Variants in TRIO observed in about 807,000 individuals in gnomAD.
TRIO encodes trio Rho guanine nucleotide exchange factor.
TRIO carries 58 observed loss-of-function variants against 351.9 expected under a neutral mutation model. The ratio of observed to expected loss-of-function variants is 0.16; its 90% confidence interval spans 0.13 to 0.21. The LOEUF (loss-of-function observed/expected upper bound fraction) is 0.21. Among genes scored for constraint, TRIO ranks in the 10% least tolerant of loss-of-function variants. The pLI is 1.00. For missense variants in TRIO, 3,201 were observed against 4,027.8 expected (o/e 0.79, Z 5.56); for synonymous variants, 1,758 against 1,595.7 (o/e 1.10, Z -2.42).
intron 44 of TRIO, 84 bp from the exon 45 acceptor site, chr5:14,481,457 G>A: frequency 6.5e-7 from 1 of 1,542,184 alleles, no homozygotes; most frequent in East Asian, 2.3e-5. Flanking sequence ...AGGAAGAACA[G>A]AACTTCATCA....
chr5:14,231,913 C>CT (rs1793459360), intron 1 of TRIO, among the ~76,000 whole-genome samples: 1 of 150,622 alleles, frequency 6.6e-6, no homozygotes, highest in Non-Finnish European at 1.5e-5. Context: ...AACAAATACT[C>CT]GTTGGGAATC....
chr5:14,245,913 G>T (rs1156900222), intron 1 of TRIO, among the ~76,000 whole-genome samples: 1 of 152,218 alleles, frequency 6.6e-6, no homozygotes, highest in Non-Finnish European at 1.5e-5. Context: ...GCCTATTAGG[G>T]TGTTGAATAT....
intron 1 of TRIO, among the ~76,000 whole-genome samples, chr5:14,266,484 T>G (rs781031024): frequency 3.9e-5 from 6 of 152,232 alleles, no homozygotes; most frequent in Non-Finnish European, 7.3e-5. Context: ...ATGAACAGTA[T>G]AATGTTTATT....
intron 1 of TRIO, among the ~76,000 whole-genome samples, chr5:14,225,203 G>T (rs906334557): frequency 6.6e-6 from 1 of 152,122 alleles, no homozygotes; most frequent in Admixed American, 6.5e-5. Flanking sequence ...TATGGATTGG[G>T]GTGAGGTGAG....
At chr5:14,251,114 G>A (rs993602144) in intron 1 of TRIO, among the ~76,000 whole-genome samples, 22 of 152,202 alleles carry the variant, frequency 1.4e-4, no homozygotes, top group African/African-American at 5.3e-4. Flanking sequence ...GGCCAGGACA[G>A]CTTTCTGCTC....
chr5:14,304,261 C>T (rs1738171397), intron 7 of TRIO, among the ~76,000 whole-genome samples, 200 bp from the exon 8 acceptor site: 1 of 152,204 alleles, frequency 6.6e-6, no homozygotes, highest in African/African-American at 2.4e-5. Context: ...GGACTCACCC[C>T]AGTCCTGCTG....
chr5:14,458,507 C>T (rs1365340865), intron 34 of TRIO, among the ~76,000 whole-genome samples: 1 of 152,176 alleles, frequency 6.6e-6, no homozygotes, highest in African/African-American at 2.4e-5. Flanking sequence ...GGGTTTGTAC[C>T]TCGCCTATAG....
At chr5:14,229,451 T>C (rs1406367129) in intron 1 of TRIO, among the ~76,000 whole-genome samples, 3 of 152,262 alleles carry the variant, frequency 2.0e-5, no homozygotes, top group Non-Finnish European at 4.4e-5. Context: ...GGAGAGGGGA[T>C]CTTTTTTCTG....
intron 3 of TRIO, 88 bp downstream of exon 3, chr5:14,280,524 G>A (rs1735903807): frequency 8.6e-7 from 1 of 1,159,220 alleles, no homozygotes; most frequent in Non-Finnish European, 1.3e-6. Flanking sequence ...CTAAATTGTA[G>A]CCTGCATTCC....
chr5:14,381,152 A>G lies in TRIO; in HGVS notation c.3470A>G (p.Asn1157Ser), dbSNP rs150972552. The change falls in exon 21 of 57, where the codon AAT becomes AGT. Residue 1157 changes from asparagine (N) to serine (S), a missense_variant. By Grantham distance (46) the Asn-to-Ser change is conservative. Transcript: ENST00000344204. ...CAGGCTTTGGAATGGATCCATGACA[A>G]TGGCGAGTTCTACCTTTCCACACAC... ...AKQALEWIHD[N>S]GEFYLSTHTS... The G allele has an allele frequency of 2.4e-5, 39 of 1,613,936 alleles. No homozygotes were observed. Among genetic ancestry groups the G allele is most frequent in the Non-Finnish European group, 3.1e-5 (37 of 1,180,002 alleles).
intron 1 of TRIO, among the ~76,000 whole-genome samples, chr5:14,231,128 A>G (rs895351216): frequency 2.0e-5 from 3 of 152,176 alleles, no homozygotes; most frequent in Non-Finnish European, 4.4e-5. Flanking sequence ...ACTTTGCTCT[A>G]ACAACCCTCT....
At chr5:14,477,911 A>G (rs867440215) in intron 41 of TRIO, among the ~76,000 whole-genome samples, 5 of 152,228 alleles carry the variant, frequency 3.3e-5, no homozygotes, top group Non-Finnish European at 4.4e-5. Flanking sequence ...TGGCAGATAC[A>G]TATTTCCAAA....
intron 49 of TRIO, among the ~76,000 whole-genome samples, chr5:14,495,221 G>T (rs144467251): frequency 1.6e-3 from 251 of 152,332 alleles, no homozygotes; most frequent in South Asian, 4.6e-3. Context: ...TGGCTGAAGA[G>T]CTGCAATCTC....
At chr5:14,323,666 G>C (rs185977061) in intron 9 of TRIO, among the ~76,000 whole-genome samples, 1 of 152,230 alleles carries the variant, frequency 6.6e-6, no homozygotes, top group African/African-American at 2.4e-5. Flanking sequence ...TGAATAATGC[G>C]GTCTGGGGTC....
intron 39 of TRIO, 63 bp downstream of exon 39, chr5:14,472,721 G>GT: frequency 6.5e-7 from 1 of 1,544,792 alleles, no homozygotes; most frequent in Non-Finnish European, 8.9e-7. Context: ...AAGTAGTATC[G>GT]TTTTAGACAG....
chr5:14,364,837 T>C (rs774267165), intron 15 of TRIO, 21 bp downstream of exon 15: 2 of 1,598,132 alleles, frequency 1.3e-6, no homozygotes, highest in South Asian at 1.1e-5. Flanking sequence ...GACTGGATGC[T>C]TGGGGAGGCT....
At chr5:14,258,072 T>A (rs1209968375) in intron 1 of TRIO, among the ~76,000 whole-genome samples, 1 of 152,218 alleles carries the variant, frequency 6.6e-6, no homozygotes, top group Admixed American at 6.5e-5. Context: ...CCCAGGCTCC[T>A]AACTAGACAC....
intron 33 of TRIO, among the ~76,000 whole-genome samples, chr5:14,407,560 G>T (rs1748838158): frequency 6.6e-6 from 1 of 152,166 alleles, no homozygotes; most frequent in Non-Finnish European, 1.5e-5. Context: ...TGATGGAAAT[G>T]GGGGCTGTGG....
At chr5:14,504,193 C>G (rs560944198) in intron 54 of TRIO, among the ~76,000 whole-genome samples, 200 bp from the exon 55 acceptor site, 31 of 152,338 alleles carry the variant, frequency 2.0e-4, no homozygotes, top group African/African-American at 7.5e-4. Flanking sequence ...GAAGGACCAG[C>G]AGAACCGCGT....
Sources: allele counts gnomAD v4.1 joint callset (sites outside exome capture counted in the v4.1 genomes callset), GRCh38; gene constraint gnomAD v4.1.1; transcripts MANE v1.5; gene names NCBI Gene and HGNC (gene_info 2026-07-23, HGNC 2026-07-21).